CROCC: variants seen among roughly 807,000 people sequenced by gnomAD.
CROCC encodes the protein rootletin.
A neutral mutation model predicts 245.2 loss-of-function variants in CROCC; 180 were observed. The observed-to-expected ratio is 0.73, with a 90% CI of 0.65 to 0.83. CROCC has a LOEUF of 0.83. Among genes scored for constraint, CROCC ranks in the 40% least tolerant of loss-of-function variants. The probability of loss-of-function intolerance (pLI) is 0.00; values close to 1 mark genes in which losing one functional copy is unlikely to be tolerated. For synonymous variants in CROCC, 1,205 were observed against 1,241.6 expected (o/e 0.97, Z 0.62); for missense variants, 2,688 against 2,779.4 (o/e 0.97, Z 0.74).
intron 8 of CROCC, among the ~76,000 whole-genome samples, chr1:16,934,863 G>T (rs1333332029): frequency 2.2e-5 from 3 of 138,788 alleles, no homozygotes; most frequent in East Asian, 2.0e-4. Context: ...TGGCCACCAA[G>T]TTACCATGAG....
At chr1:16,936,075 AATCTGAGAGT>A (rs1439775361) in intron 8 of CROCC, among the ~76,000 whole-genome samples, 39 of 151,142 alleles carry the variant, frequency 2.6e-4, no homozygotes, top group African/African-American at 9.0e-4. Context: ...TTTTTTCCCC[AATCTGAGAGT>A]GGACAAATGG....
rs2076423329 is a variant in CROCC, at chr1:16,966,622, G to A, written c.4860+51G>A. ...GGCGACGGGGAATCTGTGTACCCGA[G>A]TGAGTGTCTAACTCTTATGTGTGTC... On this transcript the variant is annotated intron_variant, in intron 30 of 36. Coordinates refer to ENST00000375541, the MANE Select transcript of CROCC (RefSeq NM_014675.5). The surrounding 1 kb of genome is among the most constrained non-coding windows in gnomAD (Gnocchi z 4.8). 11 of 1,438,720 alleles carry A rather than the reference G, an allele frequency of 7.6e-6. No individual in the cohort carries two copies. The East Asian group carries it at 1.5e-4, about 20-fold the overall frequency. The allele number at this position is 1,438,720 out of a possible 1,614,324, so 89.1% of individuals were successfully genotyped here. A position where few individuals can be genotyped will look rare whatever the true frequency, so the allele number is the denominator to read the frequency against.
intron 3 of CROCC, among the ~76,000 whole-genome samples, chr1:16,927,414 C>T (rs1297239397): frequency 1.3e-5 from 2 of 152,256 alleles, no homozygotes; most frequent in African/African-American, 4.8e-5. Context: ...GTGTATCACA[C>T]ATACCAGGGA....
chr1:16,970,781 C>A lies in CROCC; in HGVS notation c.5784+14C>A. The stretch of plus-strand genomic sequence containing the variant: ...CAGCAGCTGGAGGTCTGACCCCACC[C>A]AGTCCGGGACCCCAACTTCATCCCT... On this transcript the variant is annotated intron_variant, in intron 35 of 36. Transcript: ENST00000375541. The A allele has an allele frequency of 1.9e-6, 3 of 1,550,810 alleles. No homozygotes were observed. The highest frequency in any genetic ancestry group is 1.7e-6 in the Non-Finnish European group (2 of 1,152,958).
At position 16,966,808 on chromosome 1, in the gene CROCC, C is replaced by T. The variant is rs2100548617; in HGVS notation, c.4860+237C>T. On this transcript the variant is annotated intron_variant, in intron 30 of 36. Transcript: ENST00000375541. The surrounding 1 kb of genome is among the most constrained non-coding windows in gnomAD (Gnocchi z 4.8). ...GGTGCAGTAGCTCATGCCTGTAATC[C>T]TAGCACTTTGGGAGGTCGAGGCAGG... Among the ~76,000 whole-genome samples the T allele has an allele frequency of 6.6e-6, 1 of 152,240 alleles. No individual in the cohort carries two copies. The highest frequency in any genetic ancestry group is 1.9e-4 in the East Asian group (1 of 5,178).
chr1:16,921,823 C>T, upstream of CROCC: 7 of 601,754 alleles, frequency 1.2e-5, 1 homozygote, highest in South Asian at 1.5e-4. Flanking sequence ...TCCCTCCTCT[C>T]CTGTCCTTTC....
At position 16,958,658 on chromosome 1, in the gene CROCC, G is replaced by A. The variant is rs963410089; in HGVS notation, c.3940G>A (p.Glu1314Lys). 16 of 1,555,486 alleles carry A rather than the reference G, an allele frequency of 1.0e-5. No individual in the cohort carries two copies. Among genetic ancestry groups the A allele is most frequent in the East Asian group, 2.4e-5 (1 of 41,700 alleles). The part of the protein sequence containing the change: ...AELQGRLALG[E>K]RAEKESRRET... ...GCTGCAGGGCCGCCTGGCGCTGGGC[G>A]AGCGGGCAGAGAAGGAGAGCAGGCG... Residue 1314 changes from glutamate to lysine, a missense_variant, in exon 26 of 37, where the codon GAG (glutamate) becomes AAG (lysine). Coordinates refer to ENST00000375541, the MANE Select transcript of CROCC (RefSeq NM_014675.5).
At chr1:16,957,697 G>A (rs2076269462) in intron 25 of CROCC, among the ~76,000 whole-genome samples, 3 of 152,072 alleles carry the variant, frequency 2.0e-5, no homozygotes, top group African/African-American at 7.2e-5. Flanking sequence ...CACCCACCTT[G>A]GCCTCCCAAA....
rs575368695 is a variant in CROCC, at chr1:16,971,618, C to G, written c.5938C>G (p.Arg1980Gly). 4 of 1,512,474 alleles carry G rather than the reference C, an allele frequency of 2.6e-6. No homozygotes were observed. Among genetic ancestry groups the G allele is most frequent in the African/African-American group, 1.4e-5 (1 of 72,282 alleles). The allele number at this position is 1,512,474 out of a possible 1,614,324, so 93.7% of individuals were successfully genotyped here. A position where few individuals can be genotyped will look rare whatever the true frequency, so the allele number is the denominator to read the frequency against. ...RTLEARERAHRQRVRGLEEQV... is the reference protein window; with the variant it reads ...RTLEARERAHGQRVRGLEEQV... ...CCTGGAGGCTCGGGAGCGGGCCCAC[C>G]GCCAGAGGGTGCGTGGGCTGGAGGA... The change falls in exon 36 of 37, where the codon CGC becomes GGC. Residue 1980 changes from arginine (R) to glycine (G), a missense_variant. Transcript: ENST00000375541.
chr1:16,938,992 G>C lies in CROCC; in HGVS notation c.1458G>C (p.Gly486=). The C allele has an allele frequency of 6.2e-7, 1 of 1,604,568 alleles. No individual in the cohort carries two copies. Among genetic ancestry groups the C allele is most frequent in the East Asian group, 2.2e-5 (1 of 44,554 alleles). Residue 486 remains glycine (G), a synonymous_variant, in exon 12 of 37, where the codon GGG becomes GGC. Transcript: ENST00000375541. ...ATGCTTCCAACGGCAGCCTGCGGGG[G>C]CTCTCGGGCCAGCGGACCCCGTCCC... ...TADASNGSLR[G]LSGQRTPSPP... is the part of the protein sequence containing the mutation.
upstream of CROCC, among the ~76,000 whole-genome samples, chr1:16,921,185 C>T (rs2075396446): frequency 6.6e-6 from 1 of 152,288 alleles, no homozygotes; most frequent in Admixed American, 6.5e-5. Flanking sequence ...GAGATGAGTA[C>T]CAATATTATC....
rs374447648 is a variant in CROCC, at chr1:16,971,559, G to A, written c.5879G>A (p.Arg1960Gln). The A allele has an allele frequency of 1.6e-4, 241 of 1,536,436 alleles. No homozygotes were observed. The highest frequency in any genetic ancestry group is 2.0e-4 in the Non-Finnish European group (232 of 1,146,070). Residue 1960 changes from arginine to glutamine, a missense_variant, in exon 36 of 37, where the codon CGG (arginine) becomes CAG (glutamine). Physicochemically the swap from Arg to Gln is conservative, Grantham distance 43 (BLOSUM62 1). This residue lies in a region of CROCC where 1,218 missense variants were observed against 1,286.3 expected (regional missense o/e 0.95). Coordinates refer to ENST00000375541, the MANE Select transcript of CROCC (RefSeq NM_014675.5). ...QQLELQQEVE[R>Q]LRSAQAQTER... ...CTGGAGCTGCAGCAGGAGGTGGAGCGGCTGCGCAGCGCCCAGGCGCAGACT... is the reference window on the plus strand; with the variant it reads ...CTGGAGCTGCAGCAGGAGGTGGAGCAGCTGCGCAGCGCCCAGGCGCAGACT...
chr1:16,939,800 CG>C lies in CROCC; in HGVS notation c.1609-93del, dbSNP rs1570634997. The C allele has an allele frequency of 1.0e-5, 15 of 1,449,194 alleles. No homozygotes were observed. In the East Asian group the frequency reaches 3.4e-4, roughly 33 times the overall value. 89.8% of individuals were successfully genotyped at this position (1,449,194 alleles called of 1,614,324 possible). On this transcript the variant is annotated intron_variant, in intron 12 of 36. Coordinates refer to ENST00000375541, the MANE Select transcript of CROCC (RefSeq NM_014675.5). ...GGTCCAGGCCCTGGACCCCGCCTAG[CG>C]TAGGCTAGTGTGTATCCCTGGAACC... is the stretch of plus-strand genomic sequence containing the variant.
At chr1:16,946,571 G>A (rs558019264) in intron 16 of CROCC, among the ~76,000 whole-genome samples, 166 bp downstream of exon 16, 7 of 152,392 alleles carry the variant, frequency 4.6e-5, no homozygotes, top group East Asian at 1.9e-4. Flanking sequence ...CCCTCTAGGC[G>A]TCAAAGCACA....
chr1:16,919,001 T>C (rs139653658), upstream of CROCC, among the ~76,000 whole-genome samples: 2,240 of 151,758 alleles, frequency 0.015, no homozygotes, highest in African/African-American at 0.053. Flanking sequence ...CATCCCAGTG[T>C]TGGGATTACA....
In CROCC at chr1:16,953,320, C is replaced by T. The variant is rs753925399; in HGVS notation, c.3025C>T (p.Leu1009=). Residue 1009 remains leucine (L), a synonymous_variant, in exon 21 of 37, where the codon CTG becomes TTG. Transcript: ENST00000375541. The stretch of plus-strand genomic sequence containing the variant: ...CCCCTAGGAGGCAGCATGGCGGGAG[C>T]TGGAGGCCGAGCGGGCCCAGCTGCA... ...QREKEAAWRE[L]EAERAQLQSQ... 5.0e-6 allele frequency: 8 copies of T among 1,591,186 alleles called. No homozygotes were observed. Among genetic ancestry groups the T allele is most frequent in the Non-Finnish European group, 4.3e-6 (5 of 1,171,010 alleles).
In CROCC at chr1:16,953,351, A is replaced by G; in HGVS notation, c.3056A>G (p.Gln1019Arg). ...LEAERAQLQS[Q>R]LQREQEELLA... Reference sequence around the variant, plus strand: ...GCCGAGCGGGCCCAGCTGCAGAGTCAGCTGCAGCGTGAGCAGGAGGAGCTG... The same window carrying G: ...GCCGAGCGGGCCCAGCTGCAGAGTCGGCTGCAGCGTGAGCAGGAGGAGCTG... The change falls in exon 21 of 37, where the codon CAG becomes CGG. Residue 1019 changes from glutamine to arginine, a missense_variant. Coordinates refer to ENST00000375541, the MANE Select transcript of CROCC (RefSeq NM_014675.5). 6.2e-7 allele frequency: 1 copy of G among 1,607,216 alleles called. No homozygotes were observed. The highest frequency in any genetic ancestry group is 8.5e-7 in the Non-Finnish European group (1 of 1,178,352).
At position 16,921,970 on chromosome 1, in the gene CROCC, T is replaced by C; in HGVS notation, c.-49T>C. On this transcript the variant is annotated 5_prime_UTR_variant, in exon 1 of 37. Transcript: ENST00000375541. ...GTGGCGCGTGCTGACTGAGCTAGTC[T>C]TGGGGTCCTGGAGAAGGGGGCTGGA... The C allele has an allele frequency of 1.3e-6, 2 of 1,512,198 alleles. No individual in the cohort carries two copies. The highest frequency in any genetic ancestry group is 1.8e-6 in the Non-Finnish European group (2 of 1,111,324). The allele number at this position is 1,512,198 out of a possible 1,614,324, so 93.7% of individuals were successfully genotyped here.
chr1:16,956,560 C>T (rs1358703765), intron 25 of CROCC, among the ~76,000 whole-genome samples: 2 of 152,136 alleles, frequency 1.3e-5, no homozygotes, highest in Admixed American at 1.3e-4. Context: ...CTACTTGACT[C>T]TGCTGGGGTA....
Sources: allele counts gnomAD v4.1 joint callset (sites outside exome capture counted in the v4.1 genomes callset), GRCh38; gene constraint gnomAD v4.1.1; regional missense constraint gnomAD v4.1.1; non-coding constraint Gnocchi (gnomAD v3.1); transcripts MANE v1.5; gene names NCBI Gene and HGNC (gene_info 2026-07-23, HGNC 2026-07-21).